Variants in IGFBP7 observed in about 807,000 individuals in gnomAD.
IGFBP7 encodes the protein insulin like growth factor binding protein 7, also known as insulin-like growth factor-binding protein 7.
A neutral mutation model predicts 29.4 loss-of-function variants in IGFBP7; 31 were observed. The ratio of observed to expected loss-of-function variants is 1.05; its 90% CI spans 0.79 to 1.42. The LOEUF (loss-of-function observed/expected upper bound fraction) is 1.42. Among genes scored for constraint, IGFBP7 ranks in the 40% most tolerant of loss-of-function variants. The pLI is 0.00. For missense variants in IGFBP7, 393 were observed against 395.5 expected (o/e 0.99, Z 0.05); for synonymous variants, 172 against 174.9 (o/e 0.98, Z 0.13).
intron 1 of IGFBP7, among the ~76,000 whole-genome samples, chr4:57,105,320 C>T (rs1470145189): frequency 6.6e-6 from 1 of 152,210 alleles, no homozygotes; most frequent in Non-Finnish European, 1.5e-5. Flanking sequence ...TTCAAGGCTA[C>T]TTACCCTGAG....
chr4:57,102,887 G>A (rs1725932058), intron 1 of IGFBP7, among the ~76,000 whole-genome samples: 1 of 152,200 alleles, frequency 6.6e-6, no homozygotes, highest in Non-Finnish European at 1.5e-5. Flanking sequence ...CTTAGGGAAG[G>A]TGACTTTTTC....
At chr4:57,080,383 C>T (rs759879528) in intron 1 of IGFBP7, among the ~76,000 whole-genome samples, 3 of 152,164 alleles carry the variant, frequency 2.0e-5, no homozygotes, top group Non-Finnish European at 2.9e-5. Context: ...CTCCAGCCTA[C>T]AGGGGTTATA....
intron 1 of IGFBP7, among the ~76,000 whole-genome samples, chr4:57,094,899 A>G (rs1404577875): frequency 6.6e-6 from 1 of 152,212 alleles, no homozygotes; most frequent in Non-Finnish European, 1.5e-5. Context: ...AGCAGCAAAC[A>G]TTTGAGTCAC....
intron 1 of IGFBP7, among the ~76,000 whole-genome samples, chr4:57,087,063 A>G (rs900146841): frequency 6.6e-6 from 1 of 152,166 alleles, no homozygotes; most frequent in African/African-American, 2.4e-5. Flanking sequence ...AGGAGATTGA[A>G]TACAGGAGAC....
intron 1 of IGFBP7, among the ~76,000 whole-genome samples, chr4:57,048,616 C>A (rs1438561832): frequency 6.6e-6 from 1 of 152,130 alleles, no homozygotes; most frequent in Non-Finnish European, 1.5e-5. Context: ...ACCAGCAATT[C>A]ATTCCAGCTG....
Position 57,031,097 on chromosome 4 carries a change from ATTTG to A in IGFBP7, c.*216_*219del, listed in dbSNP as rs1285851631. ...ACTGTGTTGTGATAAAAAGTATTTT[ATTTG>A]TTTAATGATATGCATGCTTTTCTTC... On this transcript the variant is annotated 3_prime_UTR_variant, in exon 5 of 5. Transcript: ENST00000295666. 2.6e-6 allele frequency: 2 copies of A among 776,446 alleles called. No homozygotes were observed. Among genetic ancestry groups the A allele is most frequent in the Non-Finnish European group, 4.4e-6 (2 of 455,972 alleles). The allele number at this position is 776,446 out of a possible 1,614,324, so 48.1% of individuals were successfully genotyped here.
intron 1 of IGFBP7, among the ~76,000 whole-genome samples, chr4:57,084,694 T>C (rs569357581): frequency 6.6e-6 from 1 of 151,982 alleles, no homozygotes; most frequent in East Asian, 1.9e-4. Context: ...TTCTAGTTTC[T>C]GTGGTAAAAT....
chr4:57,053,019 C>CTTTTTTT (rs60116761), intron 1 of IGFBP7, among the ~76,000 whole-genome samples: 1 of 141,088 alleles, frequency 7.1e-6, no homozygotes, highest in African/African-American at 2.6e-5. Flanking sequence ...TCTTTTCTAT[C>CTTTTTTT]TTTTTTTTTT....
chr4:57,106,745 A>T (rs1468834817), intron 1 of IGFBP7, among the ~76,000 whole-genome samples: 1 of 152,186 alleles, frequency 6.6e-6, no homozygotes, highest in Non-Finnish European at 1.5e-5. Context: ...GATTTAAAAG[A>T]CTTTGAACAA....
intron 1 of IGFBP7, among the ~76,000 whole-genome samples, chr4:57,065,863 T>C (rs1359328268): frequency 2.0e-5 from 3 of 152,140 alleles, no homozygotes; most frequent in Admixed American, 2.0e-4. Flanking sequence ...CTTTGAGTCA[T>C]TTACTCCATT....
intron 1 of IGFBP7, among the ~76,000 whole-genome samples, chr4:57,048,058 C>CTT (rs113555035): frequency 6.9e-6 from 1 of 144,542 alleles, no homozygotes. Flanking sequence ...CTCCGCCCCC[C>CTT]TTTTTTTTTT....
intron 1 of IGFBP7, among the ~76,000 whole-genome samples, chr4:57,048,496 A>C (rs1175771465): frequency 6.6e-6 from 1 of 152,250 alleles, no homozygotes; most frequent in African/African-American, 2.4e-5. Flanking sequence ...GGATGGATTT[A>C]AATTTGGAGT....
chr4:57,072,579 C>A, intron 1 of IGFBP7: 1 of 249,062 alleles, frequency 4.0e-6, no homozygotes, highest in Non-Finnish European at 7.9e-6. Context: ...AAGTTCCTAT[C>A]TTTCTGTCAG....
chr4:57,052,371 G>A (rs1219716759), intron 1 of IGFBP7, among the ~76,000 whole-genome samples: 1 of 152,142 alleles, frequency 6.6e-6, no homozygotes, highest in African/African-American at 2.4e-5. Flanking sequence ...GGGTGGACTT[G>A]GGTTTAAATT....
At position 57,110,211 on chromosome 4, in the gene IGFBP7, GC is replaced by G; in HGVS notation, c.140del (p.Gly47AlafsTer42). 1 of 1,378,202 alleles carries G rather than the reference GC, an allele frequency of 7.3e-7. No homozygotes were observed. The highest frequency in any genetic ancestry group is 1.7e-5 in the South Asian group (1 of 58,580). 85.4% of individuals were successfully genotyped at this position (1,378,202 alleles called of 1,614,324 possible). A position where few individuals can be genotyped will look rare whatever the true frequency, so the allele number is the denominator to read the frequency against. ...PASCPPLPPL[G>X]CLLGETRDAC... ...CGTCGCGGGTCTCGCCCAGCAGGCA[GC>G]CCAGCGGGGGCAGGGGCGGGCAGGA... On this transcript the variant is annotated frameshift_variant, in exon 1 of 5. Coordinates refer to ENST00000295666, the MANE Select transcript of IGFBP7 (RefSeq NM_001553.3). LOFTEE classifies it high-confidence loss of function.
chr4:57,040,870 C>T lies in IGFBP7; in HGVS notation c.539G>A (p.Ser180Asn), dbSNP rs771934918. Residue 180 changes from serine to asparagine, a missense_variant, in exon 2 of 5, where the codon AGC becomes AAC. Physicochemically the swap from Ser to Asn is conservative, Grantham distance 46. Coordinates refer to ENST00000295666, the MANE Select transcript of IGFBP7 (RefSeq NM_001553.3). ...WNVTGAQVYL[S>N]CEVIGIPTPV... ...TGTCGGGATTCCGATGACCTCACAG[C>T]TCAAGTACACCTGGGCACCAGTGAC... 15 of 1,614,066 alleles carry T rather than the reference C, an allele frequency of 9.3e-6. No individual in the cohort carries two copies. Among genetic ancestry groups the T allele is most frequent in the Non-Finnish European group, 1.3e-5 (15 of 1,180,030 alleles).
chr4:57,074,218 G>A (rs376197108), intron 1 of IGFBP7, among the ~76,000 whole-genome samples: 21 of 152,192 alleles, frequency 1.4e-4, no homozygotes, highest in African/African-American at 4.8e-4. Context: ...GTGCCACCAC[G>A]CCTGGCTAAT....
chr4:57,095,101 G>A (rs1560507842), intron 1 of IGFBP7, among the ~76,000 whole-genome samples: 1 of 152,178 alleles, frequency 6.6e-6, no homozygotes, highest in African/African-American at 2.4e-5. Context: ...CATTCCTTAT[G>A]AGCAAGCAGG....
chr4:57,039,065 C>CAAAAAAAAA (rs71208974), intron 2 of IGFBP7, among the ~76,000 whole-genome samples: 17 of 106,438 alleles, frequency 1.6e-4, no homozygotes, highest in East Asian at 3.7e-4. Flanking sequence ...AACTATGTCT[C>CAAAAAAAAA]AAAAAAAAAA....
Sources: allele counts gnomAD v4.1 joint callset (sites outside exome capture counted in the v4.1 genomes callset), GRCh38; gene constraint gnomAD v4.1.1; transcripts MANE v1.5; gene names NCBI Gene and HGNC (gene_info 2026-07-23, HGNC 2026-07-21).